CCNC: variants seen among roughly 807,000 people sequenced by gnomAD.
CCNC encodes cyclin-C.
In CCNC, 19 loss-of-function variants were observed where a neutral mutation model predicts 50.0. That is an observed-to-expected ratio of 0.38 (90% CI 0.27 to 0.56). The LOEUF (loss-of-function observed/expected upper bound fraction) is 0.56. Among genes scored for constraint, CCNC ranks in the 20% least tolerant of loss-of-function variants. The pLI is 0.72. For synonymous variants in CCNC, 93 were observed against 103.7 expected, an observed-to-expected ratio of 0.90 and a Z score of 0.63; for missense variants, 200 against 327.1, an observed-to-expected ratio of 0.61 and a Z score of 3.00.
intron 5 of CCNC, among the ~76,000 whole-genome samples, chr6:99,554,293 C>T (rs1308179014): frequency 6.6e-6 from 1 of 152,004 alleles, no homozygotes; most frequent in Admixed American, 6.6e-5. Context: ...TGACCTTGAT[C>T]GCCTGGCTAA....
chr6:99,559,652 TA>T (rs79147310), intron 4 of CCNC, among the ~76,000 whole-genome samples: 57,589 of 117,742 alleles, frequency 0.49, 12,664 homozygotes, highest in East Asian at 0.7. Context: ...GTCACAGAGA[TA>T]AAAAAAAAAT....
rs1290270634 is a variant in CCNC, at chr6:99,562,884, A to G, written c.97T>C (p.Ser33Pro). Residue 33 changes from serine (S) to proline (P), a missense_variant, in exon 2 of 12, where the codon TCA becomes CCA. By Grantham distance (74) the Ser-to-Pro change is moderately conservative (BLOSUM62 -1). Coordinates refer to ENST00000520429, the MANE Select transcript of CCNC (RefSeq NM_005190.4). ...KERQKDLKFL[S>P]EEEYWKLQIF... Reference sequence around the variant, plus strand: ...TGTAACTTCCAATATTCTTCCTCTGAGAGAAACTTTAAATCCTTTTGGCGC... The same window carrying G: ...TGTAACTTCCAATATTCTTCCTCTGGGAGAAACTTTAAATCCTTTTGGCGC... The G allele has an allele frequency of 1.2e-6, 2 of 1,605,566 alleles. No homozygotes were observed. The highest frequency in any genetic ancestry group is 1.7e-6 in the Non-Finnish European group (2 of 1,177,346).
chr6:99,544,580 C>G (rs569170454), intron 11 of CCNC, among the ~76,000 whole-genome samples: 54 of 151,992 alleles, frequency 3.6e-4, no homozygotes, highest in Non-Finnish European at 5.0e-4. Context: ...AAAAAAAACC[C>G]TCTTAGCACA....
At chr6:99,566,444 T>G (rs2397340) in intron 1 of CCNC, among the ~76,000 whole-genome samples, 21,766 of 152,070 alleles carry the variant, frequency 0.14, 1,824 homozygotes, top group Middle Eastern at 0.24. Flanking sequence ...AACTGTATTT[T>G]CAGTTTCCTG....
intron 5 of CCNC, among the ~76,000 whole-genome samples, chr6:99,552,510 T>C (rs1802344643): frequency 6.6e-6 from 1 of 152,152 alleles, no homozygotes; most frequent in South Asian, 2.1e-4. Flanking sequence ...TACTCTATTA[T>C]CTATTACTTT....
chr6:99,551,906 TAAAA>T lies in CCNC; in HGVS notation c.347-15_347-12del, dbSNP rs370442761. 1.6e-5 allele frequency: 22 copies of T among 1,350,434 alleles called. No individual in the cohort carries two copies. The highest frequency in any genetic ancestry group is 2.1e-5 in the Non-Finnish European group (21 of 1,009,050). 83.7% of individuals were successfully genotyped at this position (1,350,434 alleles called of 1,614,324 possible). ...AAAATCTAGTTTTTACTGCAGAAAA[TAAAA>T]AAAAAATTTAAACTGAGAAAATGGG... On this transcript the variant is annotated splice_polypyrimidine_tract_variant and intron_variant, in intron 5 of 11. Coordinates refer to ENST00000520429, the MANE Select transcript of CCNC (RefSeq NM_005190.4).
At chr6:99,556,108 T>A (rs2114341713) in intron 5 of CCNC, among the ~76,000 whole-genome samples, 1 of 152,360 alleles carries the variant, frequency 6.6e-6, no homozygotes, top group East Asian at 1.9e-4. Flanking sequence ...CTTGTTAGGT[T>A]TTATTTCTCA....
intron 5 of CCNC, among the ~76,000 whole-genome samples, chr6:99,554,429 T>C (rs1047390066): frequency 6.6e-6 from 1 of 152,212 alleles, no homozygotes. Context: ...CTCCCTCTAC[T>C]TGAGGGCAGA....
In CCNC at chr6:99,568,640, A is replaced by G. The variant is rs1769266953; in HGVS notation, c.-113T>C. ...TCCTCGATCAAATCAGCTCGGCTCG[A>G]CTCCGCTCCGCGGCGGCGACGGCGA... On this transcript the variant is annotated 5_prime_UTR_variant, in exon 1 of 12. Coordinates refer to ENST00000520429, the MANE Select transcript of CCNC (RefSeq NM_005190.4). The G allele has an allele frequency of 8.4e-6, 13 of 1,538,590 alleles. No individual in the cohort carries two copies. Among genetic ancestry groups the G allele is most frequent in the Non-Finnish European group, 1.1e-5 (13 of 1,143,852 alleles).
At chr6:99,543,917 T>C (rs2128865610) in intron 11 of CCNC, 8 of 1,276,080 alleles carry the variant, frequency 6.3e-6, no homozygotes, top group Non-Finnish European at 7.9e-6. Flanking sequence ...TCACTCAACA[T>C]AGAGATTACA....
Position 99,549,435 on chromosome 6 carries a change from T to A in CCNC, c.598+73A>T. The A allele has an allele frequency of 8.2e-6, 8 of 975,276 alleles. 1 individual carries two copies. In the South Asian group the frequency reaches 1.1e-4, roughly 13 times the overall value. The allele number at this position is 975,276 out of a possible 1,614,324, so 60.4% of individuals were successfully genotyped here. A position where few individuals can be genotyped will look rare whatever the true frequency, so the allele number is the denominator to read the frequency against. ...CATAAAAACATAAAGTACAATAGGG[T>A]GAAATTTAGTTTAGGATGACCTAAA... On this transcript the variant is annotated intron_variant, in intron 9 of 11. Coordinates refer to ENST00000520429, the MANE Select transcript of CCNC (RefSeq NM_005190.4).
At chr6:99,550,351 T>G (rs765170169) in intron 7 of CCNC, 42 bp from the exon 8 acceptor site, 1 of 1,339,444 alleles carries the variant, frequency 7.5e-7, no homozygotes, top group Non-Finnish European at 1.1e-6. Context: ...AAAAACAGAT[T>G]TATTACAACA....
At chr6:99,552,609 A>G (rs330812) in intron 5 of CCNC, among the ~76,000 whole-genome samples, 130,111 of 152,160 alleles carry the variant, frequency 0.86, 56,337 homozygotes, top group East Asian at 0.99. Flanking sequence ...GCATATACAC[A>G]TAAGTACTAT....
chr6:99,568,281 C>A (rs752745940), intron 1 of CCNC: 11 of 587,376 alleles, frequency 1.9e-5, no homozygotes, highest in Non-Finnish European at 3.3e-5. Flanking sequence ...TCCCACCCCT[C>A]CCCCTCACAG....
At chr6:99,552,152 G>GA (rs1333868256) in intron 5 of CCNC, among the ~76,000 whole-genome samples, 253 of 150,710 alleles carry the variant, frequency 1.7e-3, no homozygotes, top group African/African-American at 4.8e-3. Flanking sequence ...AAAAGATCAG[G>GA]AAAAAAAAAT....
At position 99,562,891 on chromosome 6, in the gene CCNC, C is replaced by T. The variant is rs780978852; in HGVS notation, c.90G>A (p.Lys30=). 47 of 1,606,314 alleles carry T rather than the reference C, an allele frequency of 2.9e-5. No individual in the cohort carries two copies. In the Admixed American group the frequency reaches 6.0e-4, roughly 20 times the overall value. ...DLLKERQKDL[K]FLSEEEYWKL... ...TCCAATATTCTTCCTCTGAGAGAAA[C>T]TTTAAATCCTTTTGGCGCTCCTTCA... is the stretch of plus-strand genomic sequence containing the variant. The change falls in exon 2 of 12, where the codon AAG becomes AAA. Residue 30 remains lysine, a synonymous_variant. Transcript: ENST00000520429.
At chr6:99,546,587 A>T in intron 9 of CCNC, 113 bp from the exon 10 acceptor site, 2 of 685,092 alleles carry the variant, frequency 2.9e-6, no homozygotes, top group Non-Finnish European at 5.2e-6. Flanking sequence ...TTTAAAAAAC[A>T]TTAAACAGCT....
chr6:99,550,964 A>C, intron 7 of CCNC, 29 bp downstream of exon 7: 1 of 966,758 alleles, frequency 1.0e-6, no homozygotes, highest in Non-Finnish European at 1.5e-6. Context: ...AAAATGTTTT[A>C]ATCTATTAAT....
At chr6:99,547,559 G>T (rs1384395161) in intron 9 of CCNC, among the ~76,000 whole-genome samples, 1 of 152,014 alleles carries the variant, frequency 6.6e-6, no homozygotes, top group East Asian at 1.9e-4. Flanking sequence ...GCTAGCTCCG[G>T]GTTTCTCAAT....
Sources: allele counts gnomAD v4.1 joint callset (sites outside exome capture counted in the v4.1 genomes callset), GRCh38; gene constraint gnomAD v4.1.1; transcripts MANE v1.5; gene names NCBI Gene and HGNC (gene_info 2026-07-23, HGNC 2026-07-21).